FER1L6: variants seen among roughly 807,000 people sequenced by gnomAD.
FER1L6 encodes fer-1 like family member 6.
Under a neutral mutation model 219.2 loss-of-function variants are expected in FER1L6, and 177 were observed. The ratio of observed to expected loss-of-function variants is 0.81; its 90% CI spans 0.71 to 0.91. The LOEUF (loss-of-function observed/expected upper bound fraction) is 0.91. FER1L6 is among the 40% of genes least tolerant of loss of function. The pLI, the probability that FER1L6 is intolerant of heterozygous loss-of-function variation, is 0.00. For missense variants in FER1L6, 2,153 were observed against 2,259.9 expected, an observed-to-expected ratio of 0.95 and a Z score of 0.96; for synonymous variants, 768 against 824.3, an observed-to-expected ratio of 0.93 and a Z score of 1.17.
intron 34 of FER1L6, among the ~76,000 whole-genome samples, chr8:124,094,658 T>TAG (rs1241739120): frequency 6.6e-6 from 1 of 152,090 alleles, no homozygotes; most frequent in Non-Finnish European, 1.5e-5. Context: ...GCTAATTTTT[T>TAG]GTATTTTTAG....
Position 123,856,468 on chromosome 8 carries a change from G to A in FER1L6, c.-8+4283G>A, listed in dbSNP as rs1342834701. The stretch of plus-strand genomic sequence containing the variant: ...TGGGTCCAGTTCCAAGCTCTTTCAT[G>A]TCTTAGCAGCCGTGCCCTTGTGTAA... On this transcript the variant is annotated intron_variant, in intron 1 of 40. Coordinates refer to ENST00000522917, the MANE Select transcript of FER1L6 (RefSeq NM_001039112.2). Among the ~76,000 whole-genome samples, 3 of 151,080 alleles carry A rather than the reference G, an allele frequency of 2.0e-5. No homozygotes were observed. The East Asian group carries it at 5.8e-4, about 29-fold the overall frequency.
At chr8:124,112,548 A>AG (rs1563807484) in intron 39 of FER1L6, among the ~76,000 whole-genome samples, 1 of 152,030 alleles carries the variant, frequency 6.6e-6, no homozygotes, top group Non-Finnish European at 1.5e-5. Flanking sequence ...CACTCTTTTA[A>AG]GAGACAAAGA....
chr8:124,049,043 C>CT (rs11288786), intron 21 of FER1L6, among the ~76,000 whole-genome samples: 25 of 146,466 alleles, frequency 1.7e-4, no homozygotes, highest in South Asian at 1.3e-3. Flanking sequence ...CCCCCACCAC[C>CT]TTTTTTTTTT....
intron 29 of FER1L6, among the ~76,000 whole-genome samples, chr8:124,069,882 T>C (rs547734840): frequency 2.2e-4 from 34 of 152,274 alleles, no homozygotes; most frequent in African/African-American, 7.9e-4. Context: ...TAGAGATATA[T>C]TGATGGCTAT....
intron 1 of FER1L6, among the ~76,000 whole-genome samples, chr8:123,863,011 C>T (rs1344437213): frequency 7.3e-6 from 1 of 136,776 alleles, no homozygotes; most frequent in South Asian, 2.2e-4. Context: ...TTATTTCTTG[C>T]CTTCTGCTAG....
intron 17 of FER1L6, among the ~76,000 whole-genome samples, chr8:124,022,592 A>G (rs987060325): frequency 1.3e-5 from 2 of 152,248 alleles, no homozygotes; most frequent in African/African-American, 4.8e-5. Context: ...TGGAACTAAA[A>G]TATCTTGCAA....
chr8:124,059,678 G>T (rs567546601), intron 22 of FER1L6, among the ~76,000 whole-genome samples: 23 of 152,290 alleles, frequency 1.5e-4, no homozygotes, highest in African/African-American at 4.3e-4. Context: ...CACTGATTAG[G>T]ATGCAGTCTC....
At chr8:124,098,536 C>A (rs1047997927) in intron 37 of FER1L6, among the ~76,000 whole-genome samples, 2 of 152,122 alleles carry the variant, frequency 1.3e-5, no homozygotes, top group African/African-American at 4.8e-5. Flanking sequence ...CATACCACAT[C>A]TGGTGGTTCA....
At chr8:123,963,518 C>A in intron 3 of FER1L6, 120 bp downstream of exon 3, 1 of 1,168,560 alleles carries the variant, frequency 8.6e-7, no homozygotes, top group Non-Finnish European at 1.2e-6. Context: ...TACAGGCAGG[C>A]AAGGTCTAAG....
At chr8:123,972,463 A>C (rs888950129) in intron 6 of FER1L6, among the ~76,000 whole-genome samples, 2 of 152,256 alleles carry the variant, frequency 1.3e-5, no homozygotes, top group Non-Finnish European at 2.9e-5. Context: ...GGAAGCTCAG[A>C]GGACATCTTG....
intron 1 of FER1L6, among the ~76,000 whole-genome samples, chr8:123,870,652 G>A (rs1038807019): frequency 6.6e-6 from 1 of 152,186 alleles, no homozygotes; most frequent in African/African-American, 2.4e-5. Flanking sequence ...GGGCTTGGGA[G>A]GCAGTATGGT....
chr8:124,077,711 A>G (rs183498336), intron 32 of FER1L6, among the ~76,000 whole-genome samples: 2 of 152,196 alleles, frequency 1.3e-5, no homozygotes, highest in African/African-American at 4.8e-5. Flanking sequence ...GGCCATGGCA[A>G]ACGAGAAGAG....
In FER1L6 at chr8:124,103,243, G is replaced by T; in HGVS notation, c.5223G>T (p.Lys1741Asn). ...AKFENASEETKISIFQQKRVR... is the reference protein window; with the variant it reads ...AKFENASEETNISIFQQKRVR... ...TTGAAAATGCAAGTGAGGAGACCAA[G>T]ATCTCTATATTCCAGCAAAAACGTG... Residue 1741 changes from lysine (K) to asparagine (N), a missense_variant, in exon 39 of 41, where the codon AAG (lysine) becomes AAT (asparagine). By Grantham distance (94) the Lys-to-Asn change is moderately conservative. Transcript: ENST00000522917. 1 of 1,614,140 alleles carries T rather than the reference G, an allele frequency of 6.2e-7. No homozygotes were observed. Among genetic ancestry groups the T allele is most frequent in the Non-Finnish European group, 8.5e-7 (1 of 1,180,018 alleles).
At position 124,010,761 on chromosome 8, in the gene FER1L6, G is replaced by A. The variant is rs1392586981; in HGVS notation, c.1821+47G>A. 4.4e-6 allele frequency: 7 copies of A among 1,601,962 alleles called. No homozygotes were observed. The African/African-American group carries it at 8.1e-5, about 18-fold the overall frequency. ...TGGATTAGAGAATTGGGAAGCTGGT[G>A]GGGGAAGGGATTTTTAAAATCCACC... On this transcript the variant is annotated intron_variant, in intron 14 of 40. Coordinates refer to ENST00000522917, the MANE Select transcript of FER1L6 (RefSeq NM_001039112.2).
Position 124,061,832 on chromosome 8 carries a change from A to T in FER1L6, c.3148-20A>T. 6.2e-7 allele frequency: 1 copy of T among 1,612,098 alleles called. No individual in the cohort carries two copies. Among genetic ancestry groups the T allele is most frequent in the South Asian group, 1.1e-5 (1 of 90,958 alleles). On this transcript the variant is annotated intron_variant, in intron 24 of 40. Coordinates refer to ENST00000522917, the MANE Select transcript of FER1L6 (RefSeq NM_001039112.2). ...GGAAGGGTCACCAGGCCCCTTCTTCATCTCATCCTCTCTCTGCAGGAACTG... is the reference window on the plus strand; with the variant it reads ...GGAAGGGTCACCAGGCCCCTTCTTCTTCTCATCCTCTCTCTGCAGGAACTG...
chr8:124,115,496 G>A (rs1250070604), intron 39 of FER1L6, among the ~76,000 whole-genome samples: 2 of 152,084 alleles, frequency 1.3e-5, no homozygotes. Flanking sequence ...CTATCTCTAG[G>A]ACAGAAGTAA....
Position 124,120,028 on chromosome 8 carries a change from A to C in FER1L6, c.*238A>C. 2.5e-6 allele frequency: 1 copy of C among 400,544 alleles called. No individual in the cohort carries two copies. Among genetic ancestry groups the C allele is most frequent in the Non-Finnish European group, 4.4e-6 (1 of 227,446 alleles). The allele number at this position is 400,544 out of a possible 1,614,324, so 24.8% of individuals were successfully genotyped here. On this transcript the variant is annotated 3_prime_UTR_variant, in exon 41 of 41. Coordinates refer to ENST00000522917, the MANE Select transcript of FER1L6 (RefSeq NM_001039112.2). ...GCATGAAATAAGGCACTTTCACCTC[A>C]TGGTAATCAACAATGACCTCAAATT... is the stretch of plus-strand genomic sequence containing the variant.
intron 19 of FER1L6, among the ~76,000 whole-genome samples, chr8:124,037,775 G>C (rs547404808): frequency 7.5e-4 from 114 of 152,128 alleles, no homozygotes; most frequent in South Asian, 3.3e-3. Flanking sequence ...AGTTGTCTTT[G>C]GCACCCCCTG....
Position 123,894,477 on chromosome 8 carries a change from T to C in FER1L6, c.-8+42292T>C, listed in dbSNP as rs970598919. ...CTGAACCCCTGGTGTTTGGTAACAA[T>C]ATGAAACTATAGTGAGATAAATCAT... On this transcript the variant is annotated intron_variant, in intron 1 of 40. Coordinates refer to ENST00000522917, the MANE Select transcript of FER1L6 (RefSeq NM_001039112.2). Among the ~76,000 whole-genome samples, 4 of 152,176 alleles carry C rather than the reference T, an allele frequency of 2.6e-5. No homozygotes were observed. In the South Asian group the frequency reaches 6.2e-4, roughly 24 times the overall value.
Sources: allele counts gnomAD v4.1 joint callset (sites outside exome capture counted in the v4.1 genomes callset), GRCh38; gene constraint gnomAD v4.1.1; transcripts MANE v1.5; gene names NCBI Gene and HGNC (gene_info 2026-07-23, HGNC 2026-07-21).